Variants in CADPS2 observed in about 807,000 individuals in gnomAD.
CADPS2 encodes the protein calcium-dependent secretion activator 2.
CADPS2 carries 93 observed loss-of-function variants against 172.5 expected under a neutral mutation model. The ratio of observed to expected loss-of-function variants is 0.54; its 90% CI spans 0.46 to 0.64. The LOEUF (loss-of-function observed/expected upper bound fraction) is 0.64, where lower values mean the gene tolerates loss of function less well. Ranked by LOEUF, CADPS2 falls within the 30% of genes least tolerant of loss-of-function variation. CADPS2 has a pLI of 0.00. For synonymous variants in CADPS2, 546 were observed against 555.2 expected, an observed-to-expected ratio of 0.98 and a Z score of 0.23; for missense variants, 1,420 against 1,565.9, an observed-to-expected ratio of 0.91 and a Z score of 1.57.
intron 4 of CADPS2, among the ~76,000 whole-genome samples, chr7:122,628,132 T>C (rs772658058): frequency 1.1e-4 from 16 of 152,184 alleles, no homozygotes; most frequent in Non-Finnish European, 2.1e-4. Context: ...GTCATTCTTG[T>C]TACCCAATTA....
Position 122,681,726 on chromosome 7 carries a change from A to G in CADPS2, c.454-18157T>C, listed in dbSNP as rs551764985. 1.3e-4 allele frequency: 75 copies of G among 597,844 alleles called. No homozygotes were observed. The Middle Eastern group carries it at 1.3e-3, about 11-fold the overall frequency. 37.0% of individuals were successfully genotyped at this position (597,844 alleles called of 1,614,324 possible). A position where few individuals can be genotyped will look rare whatever the true frequency, so the allele number is the denominator to read the frequency against. On this transcript the variant is annotated intron_variant, in intron 2 of 29. Transcript: ENST00000449022. ...TGGAGAAAAATAAAATGGAAATTGT[A>G]AAAAAATAATAATAATAATAAAAGA...
At chr7:122,382,997 G>GAAAACA (rs1380127564) in intron 24 of CADPS2, among the ~76,000 whole-genome samples, 2 of 151,738 alleles carry the variant, frequency 1.3e-5, no homozygotes, top group Non-Finnish European at 2.9e-5. Context: ...CCAAACAAAC[G>GAAAACA]AAAACAAAAA....
intron 16 of CADPS2, chr7:122,440,512 G>C (rs1376571651): frequency 1.3e-5 from 2 of 152,144 alleles, no homozygotes; most frequent in African/African-American, 4.8e-5. Flanking sequence ...ACAACAATCA[G>C]GGATAAGACA....
At chr7:122,476,422 A>G (rs1328838155) in intron 12 of CADPS2, among the ~76,000 whole-genome samples, 1 of 152,100 alleles carries the variant, frequency 6.6e-6, no homozygotes, top group Non-Finnish European at 1.5e-5. Context: ...AAAAATGGGC[A>G]TACAAACTTT....
intron 27 of CADPS2, among the ~76,000 whole-genome samples, chr7:122,354,699 T>C (rs1469042700): frequency 1.1e-4 from 17 of 152,178 alleles, no homozygotes; most frequent in Admixed American, 1.1e-3. Context: ...CTGTCAGATC[T>C]GAGTTCCCTT....
rs62482256 is a variant in CADPS2, at chr7:122,653,068, T to C, written c.786+10169A>G. Among the ~76,000 whole-genome samples the C allele has an allele frequency of 7.2e-4, 109 of 152,144 alleles. 2 individuals carry two copies. Among genetic ancestry groups the C allele is most frequent in the Non-Finnish European group, 1.4e-3 (96 of 68,028 alleles). On this transcript the variant is annotated intron_variant, in intron 3 of 29. Transcript: ENST00000449022. ...AAAGGATATTACCAAACGATGGCCATCGATGTCATGTGGCAGCCCTGGCAA... is the reference window on the plus strand; with the variant it reads ...AAAGGATATTACCAAACGATGGCCACCGATGTCATGTGGCAGCCCTGGCAA...
intron 2 of CADPS2, among the ~76,000 whole-genome samples, chr7:122,678,127 T>C (rs568409454): frequency 6.6e-6 from 1 of 152,308 alleles, no homozygotes; most frequent in South Asian, 2.1e-4. Context: ...TGGAAAGTTA[T>C]TGAATCTAAA....
chr7:122,376,861 A>G (rs1019348422), intron 25 of CADPS2, among the ~76,000 whole-genome samples: 7 of 152,154 alleles, frequency 4.6e-5, no homozygotes, highest in African/African-American at 1.2e-4. Flanking sequence ...TATATTAAGC[A>G]TGTACAATTT....
At chr7:122,594,757 C>T (rs117272728) in intron 6 of CADPS2, among the ~76,000 whole-genome samples, 3,340 of 151,676 alleles carry the variant, frequency 0.022, 54 homozygotes, top group Non-Finnish European at 0.031. Flanking sequence ...TTAAAGAGAA[C>T]AAATTGGTCA....
At chr7:122,635,264 G>A (rs565379053) in intron 3 of CADPS2, among the ~76,000 whole-genome samples, 1 of 144,672 alleles carries the variant, frequency 6.9e-6, no homozygotes, top group South Asian at 2.2e-4. Context: ...CTATTAATGT[G>A]TGGCTAATTT....
chr7:122,835,514 G>A lies in CADPS2; in HGVS notation c.339+50485C>T, dbSNP rs1446815406. 7.2e-5 allele frequency among the ~76,000 whole-genome samples: 11 copies of A among 152,152 alleles called. No homozygotes were observed. The South Asian group carries it at 1.0e-3, about 14-fold the overall frequency. On this transcript the variant is annotated intron_variant, in intron 1 of 29. Coordinates refer to ENST00000449022, the MANE Select transcript of CADPS2 (RefSeq NM_017954.11). ...CTAAAGGCAGAAGTTCGAACCCAAC[G>A]CAAAGAAGCTAAAAACCTTGAAAAA...
At chr7:122,653,004 G>A (rs1488935992) in intron 3 of CADPS2, among the ~76,000 whole-genome samples, 1 of 152,106 alleles carries the variant, frequency 6.6e-6, no homozygotes, top group Non-Finnish European at 1.5e-5. Context: ...AGAGTTTCCT[G>A]TTTTTCCACT....
At chr7:122,548,715 C>T (rs951093059) in intron 8 of CADPS2, among the ~76,000 whole-genome samples, 60 of 152,126 alleles carry the variant, frequency 3.9e-4, no homozygotes, top group Admixed American at 3.3e-3. Context: ...TTTCTTATTC[C>T]TCTCACTTGC....
intron 4 of CADPS2, among the ~76,000 whole-genome samples, chr7:122,624,458 A>G (rs181463682): frequency 2.2e-4 from 33 of 152,284 alleles, no homozygotes; most frequent in African/African-American, 7.7e-4. Flanking sequence ...TTCATATCAC[A>G]GGATTGTTTC....
rs79358240 is a variant in CADPS2, at chr7:122,393,078, A to C, written c.3008+118T>G. ...TAAAAACTCAAATAAAAAAAAAAAA[A>C]CAGTATTCCTCAACCAACGATGACA... On this transcript the variant is annotated intron_variant, in intron 22 of 29. Coordinates refer to ENST00000449022, the MANE Select transcript of CADPS2 (RefSeq NM_017954.11). The C allele has an allele frequency of 1.9e-5, 22 of 1,183,132 alleles. No individual in the cohort carries two copies. In the African/African-American group the frequency reaches 2.3e-4, roughly 13 times the overall value. 73.3% of individuals were successfully genotyped at this position (1,183,132 alleles called of 1,614,324 possible).
At chr7:122,647,470 T>C (rs568222398) in intron 3 of CADPS2, among the ~76,000 whole-genome samples, 23 of 152,314 alleles carry the variant, frequency 1.5e-4, no homozygotes, top group Non-Finnish European at 2.6e-4. Context: ...ATAGTAATAA[T>C]AGAAGTCTTT....
At chr7:122,761,233 A>G (rs1366836428) in intron 1 of CADPS2, among the ~76,000 whole-genome samples, 2 of 152,198 alleles carry the variant, frequency 1.3e-5, no homozygotes, top group African/African-American at 4.8e-5. Flanking sequence ...ACTGAAAAGG[A>G]AAGAATTAAG....
chr7:122,410,886 C>T (rs2047222420), intron 19 of CADPS2, among the ~76,000 whole-genome samples: 1 of 152,104 alleles, frequency 6.6e-6, no homozygotes, highest in African/African-American at 2.4e-5. Context: ...TTACTTAGTC[C>T]CCCAAACAAT....
At position 122,403,160 on chromosome 7, in the gene CADPS2, AAGGGTGATATTAAC is replaced by A. The variant is rs1174107402; in HGVS notation, c.2746+4366_2746+4379del. ...ATTAACAATGGTCTTCAGTATCACC[AAGGGTGATATTAAC>A]AGCTGGAAGAATTATGTTTTATCAG... is the stretch of plus-strand genomic sequence containing the variant. On this transcript the variant is annotated intron_variant, in intron 20 of 29. Coordinates refer to ENST00000449022, the MANE Select transcript of CADPS2 (RefSeq NM_017954.11). Among the ~76,000 whole-genome samples the A allele has an allele frequency of 2.0e-5, 3 of 152,318 alleles. No individual in the cohort carries two copies. The East Asian group carries it at 5.8e-4, about 29-fold the overall frequency.
Sources: gnomAD v4.1 joint callset for allele counts (sites outside exome capture counted in the v4.1 genomes callset) on GRCh38, gnomAD v4.1.1 for gene constraint, MANE v1.5 for transcripts, NCBI Gene and HGNC (gene_info 2026-07-23, HGNC 2026-07-21) for gene names.